Variants in NEGR1 observed in about 807,000 individuals in gnomAD.
NEGR1 encodes neuronal growth regulator 1.
NEGR1 carries 10 observed loss-of-function variants against 40.9 expected under a neutral mutation model. That is an observed-to-expected ratio of 0.24 (90% CI 0.15 to 0.42). The LOEUF (loss-of-function observed/expected upper bound fraction) is 0.42. NEGR1 is among the 10% of genes least tolerant of loss of function. The probability of loss-of-function intolerance (pLI) is 1.00; values close to 1 mark genes in which losing one functional copy is unlikely to be tolerated. For missense variants in NEGR1, 352 were observed against 438.9 expected (o/e 0.80, Z 1.77); for synonymous variants, 185 against 166.8 (o/e 1.11, Z -0.84).
At chr1:71,719,919 T>G (rs906943161) in intron 3 of NEGR1, among the ~76,000 whole-genome samples, 5 of 152,106 alleles carry the variant, frequency 3.3e-5, no homozygotes, top group Non-Finnish European at 7.4e-5. Flanking sequence ...TACAAAATAT[T>G]ATGTCCTGAC....
chr1:71,628,124 C>T (rs147092382), intron 4 of NEGR1, among the ~76,000 whole-genome samples: 4 of 152,152 alleles, frequency 2.6e-5, no homozygotes, highest in Admixed American at 6.5e-5. Context: ...CATCTACTCA[C>T]TCTACTTTTA....
intron 6 of NEGR1, among the ~76,000 whole-genome samples, chr1:71,520,538 T>C (rs1647148935): frequency 6.6e-6 from 1 of 152,136 alleles, no homozygotes; most frequent in East Asian, 1.9e-4. Context: ...ATATACATTC[T>C]TTAATTACAA....
At chr1:71,513,418 T>C (rs141339598) in intron 6 of NEGR1, among the ~76,000 whole-genome samples, 9 of 152,088 alleles carry the variant, frequency 5.9e-5, no homozygotes, top group African/African-American at 2.2e-4. Flanking sequence ...TGTTTTTGAG[T>C]TGATAAAATT....
intron 1 of NEGR1, among the ~76,000 whole-genome samples, chr1:72,129,751 C>T (rs1251063900): frequency 6.6e-6 from 1 of 152,144 alleles, no homozygotes; most frequent in African/African-American, 2.4e-5. Context: ...CATTTCTATG[C>T]CATTCAAAGT....
At chr1:71,597,955 G>A (rs187804019) in intron 5 of NEGR1, among the ~76,000 whole-genome samples, 7 of 152,006 alleles carry the variant, frequency 4.6e-5, no homozygotes, top group African/African-American at 7.3e-5. Flanking sequence ...ATAATGTTTC[G>A]TGTTACGAGT....
intron 1 of NEGR1, among the ~76,000 whole-genome samples, chr1:72,110,221 TAAAAAA>T (rs57618301): frequency 1.9e-5 from 2 of 106,964 alleles, no homozygotes; most frequent in African/African-American, 3.3e-5. Context: ...TAGAGTATAA[TAAAAAA>T]AAAAAAAAAA....
At chr1:71,509,188 A>G (rs1431610477) in intron 6 of NEGR1, among the ~76,000 whole-genome samples, 1 of 152,164 alleles carries the variant, frequency 6.6e-6, no homozygotes, top group Non-Finnish European at 1.5e-5. Flanking sequence ...CTCAGCCACA[A>G]GTGGTTCCGT....
chr1:71,784,611 G>A (rs1389000785), intron 2 of NEGR1, among the ~76,000 whole-genome samples: 2 of 152,168 alleles, frequency 1.3e-5, no homozygotes, highest in African/African-American at 4.8e-5. Flanking sequence ...GTAAGACTCT[G>A]AGAAGAATGA....
chr1:71,716,337 A>G (rs1446513519), intron 3 of NEGR1, among the ~76,000 whole-genome samples: 1 of 152,086 alleles, frequency 6.6e-6, no homozygotes, highest in African/African-American at 2.4e-5. Flanking sequence ...CCTATCTTCT[A>G]GGGTTATCAT....
At chr1:71,622,659 C>T (rs1650646416) in intron 4 of NEGR1, among the ~76,000 whole-genome samples, 6 of 151,868 alleles carry the variant, frequency 4.0e-5, no homozygotes, top group Admixed American at 3.9e-4. Context: ...TCACATTGAT[C>T]TCTCAAAATG....
chr1:71,940,460 C>T (rs912699369), intron 1 of NEGR1, among the ~76,000 whole-genome samples: 8 of 152,100 alleles, frequency 5.3e-5, no homozygotes, highest in African/African-American at 1.9e-4. Context: ...ATATTTTGTG[C>T]ACATAGTTCC....
chr1:71,698,203 A>C, intron 3 of NEGR1, 64 bp from the exon 4 acceptor site: 1 of 1,437,900 alleles, frequency 7.0e-7, no homozygotes, highest in East Asian at 2.3e-5. Context: ...GTAAAACAAC[A>C]ATTTCATGAC....
Position 72,095,102 on chromosome 1 carries a change from G to A in NEGR1, c.177-159791C>T, listed in dbSNP as rs112649822. On this transcript the variant is annotated intron_variant, in intron 1 of 6. Transcript: ENST00000357731. Reference sequence around the variant, plus strand: ...CCGCCTAAACAGGAAGATGAAATATGATGATATGCCTAATTTTTTAACCTT... The same window carrying A: ...CCGCCTAAACAGGAAGATGAAATATAATGATATGCCTAATTTTTTAACCTT... 9.7e-3 allele frequency among the ~76,000 whole-genome samples: 1,470 copies of A among 152,186 alleles called. 33 individuals carry two copies. Among genetic ancestry groups the A allele is most frequent in the African/African-American group, 0.034 (1,408 of 41,526 alleles).
intron 5 of NEGR1, among the ~76,000 whole-genome samples, chr1:71,608,583 A>C (rs1354517405): frequency 6.6e-6 from 1 of 152,178 alleles, no homozygotes; most frequent in Non-Finnish European, 1.5e-5. Flanking sequence ...TTGCTTCACA[A>C]AATATTGGAA....
At chr1:72,102,477 A>C (rs1428737999) in intron 1 of NEGR1, among the ~76,000 whole-genome samples, 1 of 152,102 alleles carries the variant, frequency 6.6e-6, no homozygotes, top group African/African-American at 2.4e-5. Context: ...CCATGTGCCT[A>C]TAAAATGGGA....
intron 2 of NEGR1, among the ~76,000 whole-genome samples, chr1:71,898,836 A>T (rs2101859784): frequency 6.8e-6 from 1 of 148,048 alleles, no homozygotes; most frequent in African/African-American, 2.5e-5. Context: ...ATATAAAAGA[A>T]AAAAGAGCAA....
At chr1:71,715,947 C>G (rs1654257507) in intron 3 of NEGR1, among the ~76,000 whole-genome samples, 1 of 152,168 alleles carries the variant, frequency 6.6e-6, no homozygotes, top group African/African-American at 2.4e-5. Context: ...CAGCACCCTA[C>G]TCTCTGTGGT....
In NEGR1 at chr1:71,424,085, G is replaced by GAA. The variant is rs11448331; in HGVS notation, c.941-16517_941-16516dup. The stretch of plus-strand genomic sequence containing the variant: ...AGACGCTAATAGTTAGGACTTTAAA[G>GAA]AAAAAAAAAAACCTTTAAAATTTGT... On this transcript the variant is annotated intron_variant, in intron 6 of 6. Coordinates refer to ENST00000357731, the MANE Select transcript of NEGR1 (RefSeq NM_173808.3). Among the ~76,000 whole-genome samples the GAA allele has an allele frequency of 1.8e-3, 269 of 146,942 alleles. 2 individuals are homozygous for GAA. In the East Asian group the frequency reaches 0.019, roughly 10 times the overall value.
Position 72,159,052 on chromosome 1 carries a change from T to C in NEGR1, c.176+123267A>G, listed in dbSNP as rs1651461446. ...GATGGTGAGTACTTTGCCTCAATAA[T>C]GTGAAATTTGTGTACTAGATCCTAC... On this transcript the variant is annotated intron_variant, in intron 1 of 6. Coordinates refer to ENST00000357731, the MANE Select transcript of NEGR1 (RefSeq NM_173808.3). 3.3e-5 allele frequency among the ~76,000 whole-genome samples: 5 copies of C among 152,264 alleles called. No homozygotes were observed. In the South Asian group the frequency reaches 1.0e-3, roughly 32 times the overall value.
Sources: allele counts gnomAD v4.1 joint callset (sites outside exome capture counted in the v4.1 genomes callset), GRCh38; gene constraint gnomAD v4.1.1; transcripts MANE v1.5; gene names NCBI Gene and HGNC (gene_info 2026-07-23, HGNC 2026-07-21).